Variants in AOPEP observed in about 807,000 individuals in gnomAD.
AOPEP encodes aminopeptidase O (putative).
Under a neutral mutation model 98.1 loss-of-function variants are expected in AOPEP, and 77 were observed. That is an observed-to-expected ratio of 0.78 (90% CI 0.65 to 0.95). The LOEUF (loss-of-function observed/expected upper bound fraction) is 0.95. Among genes scored for constraint, AOPEP ranks in the 40% least tolerant of loss-of-function variants. The probability of loss-of-function intolerance (pLI) is 0.00; values close to 1 mark genes in which losing one functional copy is unlikely to be tolerated. For synonymous variants in AOPEP, 346 were observed against 365.3 expected, an observed-to-expected ratio of 0.95 and a Z score of 0.60; for missense variants, 1,024 against 1,024.7, an observed-to-expected ratio of 1.00 and a Z score of 0.01.
chr9:94,726,951 A>G (rs950900497), intron 1 of AOPEP, among the ~76,000 whole-genome samples, 200 bp downstream of exon 1: 1 of 152,068 alleles, frequency 6.6e-6, no homozygotes, highest in Admixed American at 6.5e-5. Flanking sequence ...GACTGGGCGG[A>G]GCGGTCACAT....
the AOPEP span, among the ~76,000 whole-genome samples, chr9:95,141,985 G>GTT: frequency 0.11 from 9,231 of 82,282 alleles, 481 homozygotes; most frequent in African/African-American, 0.14. Context: ...AGTTTGTGGG[G>GTT]TTTTTTTTTT....
chr9:94,751,564 C>T lies in AOPEP; in HGVS notation c.-135-8085C>T, dbSNP rs7852893. Among the ~76,000 whole-genome samples the T allele has an allele frequency of 6.6e-3, 1,006 of 152,162 alleles. 10 individuals are homozygous for T. Among genetic ancestry groups the T allele is most frequent in the African/African-American group, 0.023 (950 of 41,524 alleles). Reference sequence around the variant, plus strand: ...AAAGACAGAATGGAAGAGGATTCCACGTATTTGTTGATTGAGTGATATAAT... The same window carrying T: ...AAAGACAGAATGGAAGAGGATTCCATGTATTTGTTGATTGAGTGATATAAT... On this transcript the variant is annotated intron_variant, in intron 1 of 16. Transcript: ENST00000375315.
chr9:95,072,667 T>A lies in AOPEP; in HGVS notation c.2233-8027T>A, dbSNP rs150390407. 1.7e-3 allele frequency among the ~76,000 whole-genome samples: 252 copies of A among 152,244 alleles called. 2 individuals are homozygous for A. Among genetic ancestry groups the A allele is most frequent in the African/African-American group, 5.8e-3 (241 of 41,560 alleles). ...TATTTTAAAAAAGAGATTAGAGTGG[T>A]TCAAGTTGTGAGGAAGCTTCAGCAG... On this transcript the variant is annotated intron_variant, in intron 14 of 16. Transcript: ENST00000375315.
chr9:94,733,472 A>T (rs957313080), intron 1 of AOPEP, among the ~76,000 whole-genome samples: 1 of 152,136 alleles, frequency 6.6e-6, no homozygotes, highest in Non-Finnish European at 1.5e-5. Flanking sequence ...TTGTAATGTT[A>T]TGTAGTATTT....
intron 5 of AOPEP, chr9:94,824,377 T>C (rs535450175): frequency 6.6e-6 from 1 of 152,320 alleles, no homozygotes; most frequent in African/African-American, 2.4e-5. Context: ...ATTACCATCG[T>C]TGTAGGTATA....
chr9:94,965,961 G>A (rs2059170448), intron 9 of AOPEP, among the ~76,000 whole-genome samples: 1 of 151,028 alleles, frequency 6.6e-6, no homozygotes, highest in African/African-American at 2.4e-5. Flanking sequence ...GTCTGTATTT[G>A]CAGACTTGGT....
chr9:95,006,532 C>T (rs1478034139), intron 13 of AOPEP, among the ~76,000 whole-genome samples: 1 of 152,078 alleles, frequency 6.6e-6, no homozygotes, highest in African/African-American at 2.4e-5. Flanking sequence ...AAGGTGATCC[C>T]AGAGCTGCAG....
the AOPEP span, among the ~76,000 whole-genome samples, chr9:95,131,055 A>C: frequency 6.6e-6 from 1 of 152,218 alleles, no homozygotes; most frequent in African/African-American, 2.4e-5. Context: ...CGGAAAAATT[A>C]TTCTTTCTTT....
At chr9:94,847,593 C>T (rs147652609) in intron 5 of AOPEP, among the ~76,000 whole-genome samples, 7 of 152,278 alleles carry the variant, frequency 4.6e-5, no homozygotes, top group Non-Finnish European at 8.8e-5. Flanking sequence ...AGTCATGAAG[C>T]AGAACTATGT....
intron 2 of AOPEP, among the ~76,000 whole-genome samples, chr9:94,765,439 A>AAAAAATAATAATAAT (rs1554706555): frequency 8.1e-6 from 1 of 123,824 alleles, no homozygotes; most frequent in East Asian, 2.5e-4. Flanking sequence ...TTCTCTACAA[A>AAAAAATAATAATAAT]AATAATAATA....
chr9:95,101,249 C>T, the AOPEP span: 1 of 290,654 alleles, frequency 3.4e-6, no homozygotes, highest in South Asian at 8.0e-5. Flanking sequence ...GACAGTGTGG[C>T]TTTATCCCAG....
At chr9:95,042,653 C>T (rs2133605844) in intron 13 of AOPEP, among the ~76,000 whole-genome samples, 1 of 152,250 alleles carries the variant, frequency 6.6e-6, no homozygotes, top group Non-Finnish European at 1.5e-5. Flanking sequence ...TGCCTGTATT[C>T]CTTGGTTCAT....
At chr9:94,993,704 T>G (rs2061039902) in intron 11 of AOPEP, among the ~76,000 whole-genome samples, 1 of 152,212 alleles carries the variant, frequency 6.6e-6, no homozygotes, top group Non-Finnish European at 1.5e-5. Context: ...TGGTTTTCCG[T>G]AAGAGTGTTA....
chr9:95,140,631 C>T, the AOPEP span, among the ~76,000 whole-genome samples: 1 of 152,184 alleles, frequency 6.6e-6, no homozygotes, highest in Non-Finnish European at 1.5e-5. Context: ...CAAAGGTGCA[C>T]TGGCAACAGT....
intron 5 of AOPEP, among the ~76,000 whole-genome samples, chr9:94,832,710 C>T (rs1856259087): frequency 6.6e-6 from 1 of 152,126 alleles, no homozygotes; most frequent in Admixed American, 6.5e-5. Context: ...ATCTCTAAGA[C>T]TGTGGTAATC....
intron 5 of AOPEP, among the ~76,000 whole-genome samples, chr9:94,802,579 T>G (rs1257332646): frequency 6.6e-6 from 1 of 152,244 alleles, no homozygotes; most frequent in Non-Finnish European, 1.5e-5. Context: ...TGCTTAACTC[T>G]GTATTTTTAG....
chr9:95,059,277 A>G (rs2067108787), intron 13 of AOPEP, among the ~76,000 whole-genome samples: 2 of 152,244 alleles, frequency 1.3e-5, no homozygotes, highest in African/African-American at 4.8e-5. Flanking sequence ...GAATAGCCAC[A>G]GCATGTCTTT....
chr9:94,964,886 G>A (rs1250797662), intron 9 of AOPEP, among the ~76,000 whole-genome samples: 1 of 151,880 alleles, frequency 6.6e-6, no homozygotes, highest in Non-Finnish European at 1.5e-5. Flanking sequence ...TGATCTGCCC[G>A]CCTTGGCCTC....
the AOPEP span, chr9:95,106,945 A>T: frequency 1.0e-6 from 1 of 959,444 alleles, no homozygotes; most frequent in Non-Finnish European, 1.6e-6. Flanking sequence ...TTGACCATTT[A>T]TCTGTGCTGG....
Sources: allele counts gnomAD v4.1 joint callset (sites outside exome capture counted in the v4.1 genomes callset), GRCh38; gene constraint gnomAD v4.1.1; transcripts MANE v1.5; gene names NCBI Gene and HGNC (gene_info 2026-07-23, HGNC 2026-07-21).